The following HMGCL variants were observed in gnomAD, a reference collection of about 807,000 sequenced individuals.
The protein encoded by HMGCL is hydroxymethylglutaryl-CoA lyase, mitochondrial.
Under a neutral mutation model 37.3 loss-of-function variants are expected in HMGCL, and 26 were observed. That is an observed-to-expected ratio of 0.70 (90% confidence interval 0.51 to 0.97). HMGCL has a LOEUF of 0.97. HMGCL is among the 50% of genes least tolerant of loss of function. The pLI, the probability that HMGCL is intolerant of heterozygous loss-of-function variation, is 0.00. For synonymous variants in HMGCL, 151 were observed against 148.0 expected, an observed-to-expected ratio of 1.02 and a Z score of -0.15; for missense variants, 379 against 398.1, an observed-to-expected ratio of 0.95 and a Z score of 0.41.
chr1:23,816,471 C>A lies in HMGCL; in HGVS notation c.348+204G>T, dbSNP rs1638615281. The A allele has an allele frequency of 6.1e-6, 4 of 651,930 alleles. No homozygotes were observed. In the African/African-American group the frequency reaches 7.2e-5, roughly 12 times the overall value. 40.4% of individuals were successfully genotyped at this position (651,930 alleles called of 1,614,324 possible). On this transcript the variant is annotated intron_variant, in intron 4 of 8. Transcript: ENST00000374490. ...AAATGCTCACAACTTCAGGTACTAT[C>A]ATTTAGCCCTATTTTATAGGCTTGT...
intron 1 of HMGCL, among the ~76,000 whole-genome samples, chr1:23,823,257 ACTTC>A (rs1400446469): frequency 1.3e-5 from 2 of 149,640 alleles, no homozygotes. Flanking sequence ...ACTCAATTCC[ACTTC>A]CTTCCTTCCC....
chr1:23,823,212 C>T (rs2148427285), intron 1 of HMGCL, among the ~76,000 whole-genome samples: 1 of 144,894 alleles, frequency 6.9e-6, no homozygotes, highest in South Asian at 2.2e-4. Context: ...GCTTCTAAAA[C>T]CTGCTTCCAA....
Position 23,802,347 on chromosome 1 carries a change from G to A in HMGCL, c.*116C>T. The A allele has an allele frequency of 1.3e-6, 1 of 774,906 alleles. No individual in the cohort carries two copies. The highest frequency in any genetic ancestry group is 1.8e-5 in the Admixed American group (1 of 55,792). The allele number at this position is 774,906 out of a possible 1,614,324, so 48.0% of individuals were successfully genotyped here. A position where few individuals can be genotyped will look rare whatever the true frequency, so the allele number is the denominator to read the frequency against. ...CCAGGAGAGACCTCTGTGTAGAGCT[G>A]GCTATGAGGTACCTGCACCATTTAA... On this transcript the variant is annotated 3_prime_UTR_variant, in exon 9 of 9. Coordinates refer to ENST00000374490, the MANE Select transcript of HMGCL (RefSeq NM_000191.3).
At chr1:23,803,859 G>A (rs781681968) in intron 8 of HMGCL, 1 of 153,644 alleles carries the variant, frequency 6.5e-6, no homozygotes. Flanking sequence ...TCCCTGGTGA[G>A]CTGTCTAACG....
intron 6 of HMGCL, among the ~76,000 whole-genome samples, chr1:23,808,583 T>G (rs1035665465): frequency 6.6e-6 from 1 of 152,158 alleles, no homozygotes; most frequent in African/African-American, 2.4e-5. Flanking sequence ...CTTTCCTCCC[T>G]ACCTGTGCCC....
Position 23,802,515 on chromosome 1 carries a change from G to T in HMGCL, c.926C>A (p.Ala309Asp), listed in dbSNP as rs570149263. The T allele has an allele frequency of 1.9e-6, 3 of 1,614,024 alleles. No homozygotes were observed. In the South Asian group the frequency reaches 3.3e-5, roughly 18 times the overall value. The change falls in exon 9 of 9, where the codon GCC (alanine) becomes GAC (aspartate). Residue 309 changes from alanine (A) to aspartate (D), a missense_variant. Physicochemically the swap from Ala to Asp is moderately radical, Grantham distance 126. Coordinates refer to ENST00000374490, the MANE Select transcript of HMGCL (RefSeq NM_000191.3). ...LLEAGNFICQ[A>D]LNRKTSSKVA... ...TTTGGAGCTAGTTTTTCTGTTCAGG[G>T]CTTGACAGATAAAGTTTCCAGCTTC... is the stretch of plus-strand genomic sequence containing the variant.
rs1335176300 is a variant in HMGCL at position 23,810,571 on chromosome 1, G to A, written c.561+165C>T. The stretch of plus-strand genomic sequence containing the variant: ...TTCGGCTAGGAGGGGGGCCTCTAGG[G>A]AGCAAGTGCAGGGCTGTGCTCACAG... On this transcript the variant is annotated intron_variant, in intron 6 of 8. Transcript: ENST00000374490. The A allele has an allele frequency of 1.5e-5, 10 of 674,264 alleles. No individual in the cohort carries two copies. In the East Asian group the frequency reaches 2.8e-4, roughly 19 times the overall value. The allele number at this position is 674,264 out of a possible 1,614,324, so 41.8% of individuals were successfully genotyped here.
At chr1:23,824,943 G>A (rs1638789211) in intron 1 of HMGCL, among the ~76,000 whole-genome samples, 1 of 152,230 alleles carries the variant, frequency 6.6e-6, no homozygotes, top group Non-Finnish European at 1.5e-5. Context: ...GGCTGGGATA[G>A]TTCCCCAAGC....
At chr1:23,818,825 C>T (rs1453915254) in intron 2 of HMGCL, among the ~76,000 whole-genome samples, 3 of 151,806 alleles carry the variant, frequency 2.0e-5, no homozygotes, top group Admixed American at 6.6e-5. Context: ...GTATTACAGG[C>T]ATGAGCCATC....
rs376715568 is a variant in HMGCL at position 23,804,418 on chromosome 1, C to T, written c.858G>A (p.Glu286=). Residue 286 remains glutamate (E), a synonymous_variant, in exon 8 of 9, where the codon GAG becomes GAA. Coordinates refer to ENST00000374490, the MANE Select transcript of HMGCL (RefSeq NM_000191.3). ...GGCTTACCGTGTGAATGCCCAAGCC[C>T]TCTAGCATGTAGACCAGGTCTTCTG... ...LATEDLVYML[E]GLGIHTGVNL... 5.6e-6 allele frequency: 9 copies of T among 1,614,220 alleles called. No individual in the cohort carries two copies. Among genetic ancestry groups the T allele is most frequent in the East Asian group, 4.5e-5 (2 of 44,888 alleles).
chr1:23,818,831 C>T (rs1032281575), intron 2 of HMGCL, among the ~76,000 whole-genome samples: 7 of 151,604 alleles, frequency 4.6e-5, no homozygotes, highest in Admixed American at 3.9e-4. Flanking sequence ...CAGGCATGAG[C>T]CATCATGCCC....
In HMGCL at chr1:23,810,740, G is replaced by A. The variant is rs374710891; in HGVS notation, c.557C>T (p.Ala186Val). 6.2e-7 allele frequency: 1 copy of A among 1,613,962 alleles called. No individual in the cohort carries two copies. Among genetic ancestry groups the A allele is most frequent in the African/African-American group, 1.3e-5 (1 of 75,036 alleles). The change falls in exon 6 of 9, where the codon GCT becomes GTT. Residue 186 changes from alanine to valine, a missense_variant. Ala to Val is a moderately conservative substitution (Grantham distance 64). Transcript: ENST00000374490. Reference protein sequence around the residue: ...YEGKISPAKVAEVTKKFYSMG... With the variant: ...YEGKISPAKVVEVTKKFYSMG... ...CGCCCTGACACATGCACACACCTCAGCTACTTTAGCTGGGGAGATCTTCCC... is the reference window on the plus strand; with the variant it reads ...CGCCCTGACACATGCACACACCTCAACTACTTTAGCTGGGGAGATCTTCCC...
rs1211203983 is a variant in HMGCL, at chr1:23,810,696, C to T, written c.561+40G>A. On this transcript the variant is annotated intron_variant, in intron 6 of 8. Transcript: ENST00000374490. ...TGCGCTCAGGGGCAGACAAGGTGGC[C>T]AACCCTCACCAAACCCCCCGCCCTG... 3 of 1,591,160 alleles carry T rather than the reference C, an allele frequency of 1.9e-6. No individual in the cohort carries two copies. The African/African-American group carries it at 4.0e-5, about 21-fold the overall frequency.
intron 7 of HMGCL, among the ~76,000 whole-genome samples, chr1:23,807,487 T>C (rs1210219174): frequency 6.6e-6 from 1 of 152,230 alleles, no homozygotes; most frequent in African/African-American, 2.4e-5. Flanking sequence ...AAGGTAGCTG[T>C]GGTCAGACAC....
At chr1:23,816,475 T>C (rs1557491753) in intron 4 of HMGCL, 200 bp downstream of exon 4, 6 of 661,198 alleles carry the variant, frequency 9.1e-6, no homozygotes, top group African/African-American at 1.8e-5. Flanking sequence ...TACTATCATT[T>C]AGCCCTATTT....
chr1:23,808,511 GGC>G (rs1460086494), intron 6 of HMGCL, among the ~76,000 whole-genome samples, 188 bp from the exon 7 acceptor site: 6 of 152,332 alleles, frequency 3.9e-5, no homozygotes, highest in African/African-American at 7.2e-5. Context: ...AGGAGACTGA[GGC>G]GTAAGGGGCA....
At chr1:23,804,549 C>T in intron 7 of HMGCL, 24 bp from the exon 8 acceptor site, 2 of 1,613,916 alleles carry the variant, frequency 1.2e-6, no homozygotes, top group Non-Finnish European at 1.7e-6. Flanking sequence ...GATGGTGAAA[C>T]ACAGTTGTTG....
intron 7 of HMGCL, among the ~76,000 whole-genome samples, chr1:23,805,001 C>G (rs1638378099): frequency 1.3e-5 from 2 of 151,542 alleles, no homozygotes; most frequent in Non-Finnish European, 2.9e-5. Context: ...GACTATTTCA[C>G]TTTCTCCTCT....
At chr1:23,809,166 G>C (rs1208045064) in intron 6 of HMGCL, 2 of 146,318 alleles carry the variant, frequency 1.4e-5, no homozygotes, top group Non-Finnish European at 3.0e-5. Flanking sequence ...TCGGCCTCCC[G>C]AAGTGCTGGG....
Sources: allele counts gnomAD v4.1 joint callset (sites outside exome capture counted in the v4.1 genomes callset), GRCh38; gene constraint gnomAD v4.1.1; transcripts MANE v1.5; gene names NCBI Gene and HGNC (gene_info 2026-07-23, HGNC 2026-07-21).